The following MAPRE3 variants were observed in gnomAD, a reference collection of about 807,000 sequenced individuals.
MAPRE3 encodes microtubule-associated protein RP/EB family member 3.
Under a neutral mutation model 30.5 loss-of-function variants are expected in MAPRE3, and 2 were observed. The ratio of observed to expected loss-of-function variants is 0.07; its 90% CI spans 0.03 to 0.21. The LOEUF (loss-of-function observed/expected upper bound fraction) is 0.21, where lower values mean the gene tolerates loss of function less well. MAPRE3 is among the 10% of genes least tolerant of loss of function. The pLI, the probability that MAPRE3 is intolerant of heterozygous loss-of-function variation, is 1.00. For missense variants in MAPRE3, 204 were observed against 351.8 expected (o/e 0.58, Z 3.36); for synonymous variants, 110 against 127.7 (o/e 0.86, Z 0.93).
chr2:27,016,837 C>T (rs1364473127), intron 1 of MAPRE3, among the ~76,000 whole-genome samples: 1 of 152,118 alleles, frequency 6.6e-6, no homozygotes, highest in Non-Finnish European at 1.5e-5. Flanking sequence ...AGTTGGACCT[C>T]TTTGGTGAGT....
At chr2:26,976,333 T>G (rs1383112643) in intron 1 of MAPRE3, among the ~76,000 whole-genome samples, 6 of 152,248 alleles carry the variant, frequency 3.9e-5, no homozygotes, top group African/African-American at 1.4e-4. Context: ...TATAGAAAGA[T>G]GACACACCTA....
At chr2:27,025,463 G>A in intron 4 of MAPRE3, 120 bp from the exon 5 acceptor site, 1 of 1,008,150 alleles carries the variant, frequency 9.9e-7, no homozygotes, top group Non-Finnish European at 1.4e-6. Flanking sequence ...GGTGGGGGCA[G>A]GGGGGTGAGA....
chr2:27,026,126 T>G, intron 6 of MAPRE3, 94 bp downstream of exon 6: 1 of 1,506,684 alleles, frequency 6.6e-7, no homozygotes, highest in Non-Finnish European at 9.1e-7. Flanking sequence ...GGAGAACATT[T>G]ACTGATGAGA....
At chr2:27,011,359 C>T (rs1424507367) in intron 1 of MAPRE3, among the ~76,000 whole-genome samples, 2 of 152,156 alleles carry the variant, frequency 1.3e-5, no homozygotes, top group African/African-American at 4.8e-5. Context: ...GGTGCTTTCA[C>T]TATTTAGCAC....
intron 3 of MAPRE3, 37 bp downstream of exon 3, chr2:27,023,514 T>C (rs369218938): frequency 8.7e-6 from 14 of 1,611,788 alleles, no homozygotes; most frequent in Admixed American, 1.7e-5. Context: ...TGAGGAGCAG[T>C]GTGACCCTGG....
At chr2:26,984,671 ACCCTAAG>A (rs1666184586) in intron 1 of MAPRE3, 1 of 152,106 alleles carries the variant, frequency 6.6e-6, no homozygotes. Context: ...CAGATTACCA[ACCCTAAG>A]CCCCTCCATA....
chr2:27,016,914 A>G (rs1241018276), intron 1 of MAPRE3, among the ~76,000 whole-genome samples: 4 of 151,910 alleles, frequency 2.6e-5, no homozygotes, highest in Non-Finnish European at 4.4e-5. Context: ...AACAGCCCCA[A>G]TGCTCCAGGC....
Position 27,025,692 on chromosome 2 carries a change from T to C in MAPRE3, c.579T>C (p.Asn193=), listed in dbSNP as rs774211200. 1.2e-6 allele frequency: 2 copies of C among 1,613,990 alleles called. No homozygotes were observed. Among genetic ancestry groups the C allele is most frequent in the African/African-American group, 2.7e-5 (2 of 74,906 alleles). The change falls in exon 5 of 7, where the codon AAT becomes AAC. Residue 193 remains asparagine, a synonymous_variant. Coordinates refer to ENST00000233121, the MANE Select transcript of MAPRE3 (RefSeq NM_012326.4). The stretch of plus-strand genomic sequence containing the variant: ...GGAAGAATCCTCCATCAGCCCGAAA[T>C]GGCGGCCATGAGACTGATGCCCAAA... The part of the protein sequence containing the change: ...ILRKNPPSAR[N]GGHETDAQIL...
chr2:26,971,241 G>A (rs1438700289), intron 1 of MAPRE3, among the ~76,000 whole-genome samples: 1 of 152,250 alleles, frequency 6.6e-6, no homozygotes, highest in African/African-American at 2.4e-5. Flanking sequence ...TGACAGGAGA[G>A]CGAGGGGAGA....
At chr2:26,979,233 G>A (rs370825615) in intron 1 of MAPRE3, among the ~76,000 whole-genome samples, 1 of 152,324 alleles carries the variant, frequency 6.6e-6, no homozygotes, top group East Asian at 1.9e-4. Context: ...TGGTACTACA[G>A]AGTCTAAATT....
chr2:27,017,828 G>A (rs561904735), intron 1 of MAPRE3, among the ~76,000 whole-genome samples: 1 of 152,158 alleles, frequency 6.6e-6, no homozygotes, highest in South Asian at 2.1e-4. Flanking sequence ...TGTAAAATAT[G>A]TGCATATAAC....
chr2:27,026,431 C>A lies in MAPRE3; in HGVS notation c.*83C>A. Reference sequence around the variant, plus strand: ...CTCCCACATTATAGTCCTTTCCTAACACGGTCGGCCGGGTGCTTTGTGTCA... The same window carrying A: ...CTCCCACATTATAGTCCTTTCCTAAAACGGTCGGCCGGGTGCTTTGTGTCA... On this transcript the variant is annotated 3_prime_UTR_variant, in exon 7 of 7. Coordinates refer to ENST00000233121, the MANE Select transcript of MAPRE3 (RefSeq NM_012326.4). 1 of 1,233,692 alleles carries A rather than the reference C, an allele frequency of 8.1e-7. No individual in the cohort carries two copies. Among genetic ancestry groups the A allele is most frequent in the Non-Finnish European group, 1.2e-6 (1 of 864,886 alleles). The allele number at this position is 1,233,692 out of a possible 1,614,324, so 76.4% of individuals were successfully genotyped here. A position where few individuals can be genotyped will look rare whatever the true frequency, so the allele number is the denominator to read the frequency against.
At chr2:26,981,682 G>A (rs1368994384) in intron 1 of MAPRE3, among the ~76,000 whole-genome samples, 1 of 152,194 alleles carries the variant, frequency 6.6e-6, no homozygotes, top group Non-Finnish European at 1.5e-5. Flanking sequence ...AGATGGAGCT[G>A]GATCATGGAG....
chr2:26,971,218 G>A (rs1665910584), intron 1 of MAPRE3, among the ~76,000 whole-genome samples: 1 of 152,214 alleles, frequency 6.6e-6, no homozygotes, highest in South Asian at 2.1e-4. Flanking sequence ...CCAGTGATGT[G>A]CCAGAAAAAG....
intron 1 of MAPRE3, chr2:27,002,068 T>G (rs1367413846): frequency 6.6e-6 from 1 of 152,296 alleles, no homozygotes; most frequent in Non-Finnish European, 1.5e-5. Flanking sequence ...GGTCTCAAGG[T>G]GGCTCTTAAC....
At position 26,999,420 on chromosome 2, in the gene MAPRE3, G is replaced by A. The variant is rs527596798; in HGVS notation, c.-7-22792G>A. ...AAAATCAATGACTTGATGACAAGTTGGCCAAAGCAAGAGAGGCAGGATTAG... is the reference window on the plus strand; with the variant it reads ...AAAATCAATGACTTGATGACAAGTTAGCCAAAGCAAGAGAGGCAGGATTAG... On this transcript the variant is annotated intron_variant, in intron 1 of 6. Transcript: ENST00000233121. Among the ~76,000 whole-genome samples the A allele has an allele frequency of 9.3e-5, 14 of 151,258 alleles. No individual in the cohort carries two copies. The South Asian group carries it at 2.7e-3, about 29-fold the overall frequency.
chr2:26,999,926 A>G (rs1224577240), intron 1 of MAPRE3, among the ~76,000 whole-genome samples: 2 of 152,166 alleles, frequency 1.3e-5, no homozygotes, highest in African/African-American at 4.8e-5. Context: ...ACCATAAAAC[A>G]TTTCATTTTT....
intron 1 of MAPRE3, among the ~76,000 whole-genome samples, chr2:26,990,079 T>C (rs1219666732): frequency 2.0e-5 from 3 of 152,162 alleles, no homozygotes; most frequent in Admixed American, 6.5e-5. Flanking sequence ...CTTGGGGAGC[T>C]GAGGCGGGAG....
At chr2:27,026,155 C>A in intron 6 of MAPRE3, 123 bp downstream of exon 6, 1 of 1,390,432 alleles carries the variant, frequency 7.2e-7, no homozygotes, top group Non-Finnish European at 1.0e-6. Context: ...AAGTCACTAG[C>A]CCAGGGTCAC....
Sources: gnomAD v4.1 joint callset for allele counts (sites outside exome capture counted in the v4.1 genomes callset) on GRCh38, gnomAD v4.1.1 for gene constraint, MANE v1.5 for transcripts, NCBI Gene and HGNC (gene_info 2026-07-23, HGNC 2026-07-21) for gene names.